The following CUX1 variants were observed in gnomAD, a reference collection of about 807,000 sequenced individuals.
The protein encoded by CUX1 is cut like homeobox 1, also known as protein CASP.
Under a neutral mutation model 158.8 loss-of-function variants are expected in CUX1, and 31 were observed. The observed-to-expected ratio is 0.20, with a 90% CI of 0.15 to 0.26. CUX1 has a LOEUF of 0.26. Ranked by LOEUF, CUX1 falls within the 10% of genes least tolerant of loss-of-function variation. CUX1 has a pLI of 1.00. For missense variants in CUX1, 1,589 were observed against 2,014.6 expected (o/e 0.79, Z 4.04); for synonymous variants, 879 against 862.1 (o/e 1.02, Z -0.34).
intron 1 of CUX1, among the ~76,000 whole-genome samples, chr7:101,878,880 CA>C (rs1799432100): frequency 1.3e-5 from 2 of 152,102 alleles, no homozygotes; most frequent in Non-Finnish European, 2.9e-5. Flanking sequence ...CCATGTTGGC[CA>C]GGCTGGTCTC....
At position 102,104,395 on chromosome 7, in the gene CUX1, C is replaced by A; in HGVS notation, c.466C>A (p.Gln156Lys). The change falls in exon 6 of 24, where the codon CAA becomes AAA. Residue 156 changes from glutamine (Q) to lysine (K), a missense_variant. Gln to Lys is a moderately conservative substitution (Grantham distance 53, BLOSUM62 1). Around this residue, in one of 8 missense-constraint regions of CUX1, gnomAD observed 515 missense variants for 574.4 expected, o/e 0.90. Transcript: ENST00000292535. ...IREYEQTLKNQAETIALEKEQ... is the reference protein window; with the variant it reads ...IREYEQTLKNKAETIALEKEQ... ...AGAATATGAACAGACACTGAAGAAC[C>A]AAGCCGAAACCATAGCTCTTGAGAA... The A allele has an allele frequency of 1.2e-6, 2 of 1,612,586 alleles. No homozygotes were observed. The highest frequency in any genetic ancestry group is 2.2e-5 in the South Asian group (2 of 91,038).
At chr7:102,194,022 G>T in intron 13 of CUX1, 132 bp downstream of exon 13, 1 of 872,554 alleles carries the variant, frequency 1.1e-6, no homozygotes, top group Non-Finnish European at 1.8e-6. Context: ...CATACTTCAA[G>T]AACATTTAAC....
At chr7:101,921,634 G>A (rs897340861) in intron 2 of CUX1, among the ~76,000 whole-genome samples, 1 of 151,906 alleles carries the variant, frequency 6.6e-6, no homozygotes, top group Non-Finnish European at 1.5e-5. Flanking sequence ...CTAATTTTTT[G>A]TATTTTTAGT....
intron 1 of CUX1, among the ~76,000 whole-genome samples, chr7:101,843,708 G>A (rs964461176): frequency 2.0e-5 from 3 of 152,018 alleles, no homozygotes; most frequent in African/African-American, 7.3e-5. Context: ...TAAGTGATAG[G>A]GACCTCGTTT....
chr7:102,129,638 T>A (rs1554496542), intron 8 of CUX1, among the ~76,000 whole-genome samples: 3 of 152,194 alleles, frequency 2.0e-5, no homozygotes, highest in Admixed American at 1.3e-4. Flanking sequence ...GAGCCGAGAT[T>A]GTGCCATTGC....
chr7:101,831,734 TTTATTA>T (rs10654094), intron 1 of CUX1, among the ~76,000 whole-genome samples: 2 of 147,410 alleles, frequency 1.4e-5, no homozygotes, highest in East Asian at 4.0e-4. Context: ...GAGAAATAAC[TTTATTA>T]TTATTATTAT....
rs775857224 is a variant in CUX1, at chr7:101,817,746, C to T, written c.30+77C>T. The T allele has an allele frequency of 1.8e-4, 270 of 1,525,466 alleles. No individual in the cohort carries two copies. The highest frequency in any genetic ancestry group is 2.3e-4 in the Non-Finnish European group (263 of 1,133,446). 94.5% of individuals were successfully genotyped at this position (1,525,466 alleles called of 1,614,324 possible). Reference sequence around the variant, plus strand: ...GGGGATGTCGGGGGGTGCCCGGGTCCCGCGGCTTAGAATGCTCTAGGGCGG... The same window carrying T: ...GGGGATGTCGGGGGGTGCCCGGGTCTCGCGGCTTAGAATGCTCTAGGGCGG... On this transcript the variant is annotated intron_variant, in intron 1 of 23. Coordinates refer to ENST00000292535, the MANE Select transcript of CUX1 (RefSeq NM_181552.4). This position sits in a 1 kb window ranked among gnomAD's most constrained non-coding sequence, Gnocchi z 4.1.
chr7:102,187,292 C>A (rs1254232545), intron 11 of CUX1, among the ~76,000 whole-genome samples: 1 of 150,874 alleles, frequency 6.6e-6, no homozygotes, highest in African/African-American at 2.4e-5. Context: ...CCCAGGAGTT[C>A]AAGACCAGCC....
exon 18 of CUX1, chr7:102,277,993 G>A: frequency 6.2e-7 from 1 of 1,603,952 alleles, no homozygotes; most frequent in Non-Finnish European, 8.5e-7. Flanking sequence ...TGCAGAGTGA[G>A]CTGGACAGCC....
rs1012151366 is a variant in CUX1, at chr7:102,068,448, G to GC, written c.190-1891_190-1890insC. Among the ~76,000 whole-genome samples, 107 of 151,664 alleles carry GC rather than the reference G, an allele frequency of 7.1e-4. 2 individuals are homozygous for GC. The highest frequency in any genetic ancestry group is 2.5e-3 in the African/African-American group (105 of 41,294). Reference sequence around the variant, plus strand: ...CACAGCCTTATCTTATCGGGTTGAGGGGGTGGAAATGTGTCTGAGTTCCAA... The same window carrying GC: ...CACAGCCTTATCTTATCGGGTTGAGGCGGGTGGAAATGTGTCTGAGTTCCAA... On this transcript the variant is annotated intron_variant, in intron 3 of 23. Transcript: ENST00000292535.
At chr7:102,135,021 C>T (rs1377161713) in intron 8 of CUX1, among the ~76,000 whole-genome samples, 1 of 152,206 alleles carries the variant, frequency 6.6e-6, no homozygotes, top group East Asian at 1.9e-4. Context: ...TTTTACCTAT[C>T]AATTAATTGC....
intron 4 of CUX1, among the ~76,000 whole-genome samples, chr7:102,081,302 A>G (rs1300063041): frequency 3.4e-5 from 5 of 148,338 alleles, no homozygotes; most frequent in African/African-American, 1.2e-4. Flanking sequence ...CCATTCACGC[A>G]GGTGCTTTGG....
chr7:101,963,746 G>T (rs1810797894), intron 2 of CUX1, among the ~76,000 whole-genome samples: 2 of 152,220 alleles, frequency 1.3e-5, no homozygotes, highest in South Asian at 4.2e-4. Context: ...TCAGCTCTTG[G>T]GCTCAAGTGA....
intron 2 of CUX1, among the ~76,000 whole-genome samples, chr7:102,013,017 A>C (rs999420660): frequency 3.0e-4 from 46 of 152,158 alleles, no homozygotes; most frequent in African/African-American, 1.1e-3. Context: ...GGTAATCCTT[A>C]CGGCCCTGTG....
intron 3 of CUX1, among the ~76,000 whole-genome samples, chr7:102,032,850 G>A (rs1045617248): frequency 4.6e-5 from 7 of 152,112 alleles, no homozygotes; most frequent in African/African-American, 1.4e-4. Context: ...TGGGGGAGGT[G>A]TACCCTTAAT....
chr7:102,275,178 C>A, intron 16 of CUX1: 1 of 1,178,050 alleles, frequency 8.5e-7, no homozygotes, highest in Non-Finnish European at 1.2e-6. Context: ...CTGGGGGACC[C>A]ACCCCAAAGG....
chr7:101,945,585 G>A (rs1808269633), intron 2 of CUX1, among the ~76,000 whole-genome samples: 2 of 152,190 alleles, frequency 1.3e-5, no homozygotes, highest in Non-Finnish European at 2.9e-5. Flanking sequence ...TGTTCTGAAC[G>A]AGAGTTGAGT....
intron 8 of CUX1, among the ~76,000 whole-genome samples, chr7:102,151,684 T>G (rs1033972577): frequency 7.4e-6 from 1 of 135,940 alleles, no homozygotes; most frequent in Admixed American, 8.6e-5. Context: ...GTTGAGATTG[T>G]GCTACTGCAC....
chr7:102,108,006 C>G (rs143904257), intron 6 of CUX1, among the ~76,000 whole-genome samples: 6 of 152,286 alleles, frequency 3.9e-5, no homozygotes, highest in African/African-American at 1.4e-4. Context: ...CCCGTTGATA[C>G]GGATTTGGTC....
Sources: allele counts gnomAD v4.1 joint callset (sites outside exome capture counted in the v4.1 genomes callset), GRCh38; gene constraint gnomAD v4.1.1; regional missense constraint gnomAD v4.1.1; non-coding constraint Gnocchi (gnomAD v3.1); transcripts MANE v1.5; gene names NCBI Gene and HGNC (gene_info 2026-07-23, HGNC 2026-07-21).